The following NUS1 variants were observed in gnomAD, a reference collection of about 807,000 sequenced individuals.
NUS1 encodes the protein dehydrodolichyl diphosphate synthase complex subunit NUS1.
For synonymous variants in NUS1, 135 were observed against 155.2 expected (o/e 0.87, Z 0.97); for missense variants, 292 against 382.9 (o/e 0.76, Z 1.98).
At chr6:117,676,869 G>T (rs1167340671) in intron 1 of NUS1, among the ~76,000 whole-genome samples, 4 of 152,192 alleles carry the variant, frequency 2.6e-5, no homozygotes, top group Admixed American at 2.6e-4. Flanking sequence ...ACTTAGGCAT[G>T]GGCTGTGTGA....
At chr6:117,693,882 T>G in intron 2 of NUS1, 149 bp from the exon 3 acceptor site, 1 of 693,780 alleles carries the variant, frequency 1.4e-6, no homozygotes, top group Non-Finnish European at 2.3e-6. Context: ...AAGTATGTTT[T>G]GATATTGAAA....
Position 117,683,440 on chromosome 6 carries a change from A to G in NUS1, c.415+7355A>G, listed in dbSNP as rs73528141. 3.2e-3 allele frequency among the ~76,000 whole-genome samples: 489 copies of G among 152,288 alleles called. 2 individuals are homozygous for G. The highest frequency in any genetic ancestry group is 0.011 in the African/African-American group (460 of 41,554). ...TTTTTTCATTTTAAATAATTGCTCC[A>G]TAAATATATGTTTTCTTCTCTGAAG... On this transcript the variant is annotated intron_variant, in intron 1 of 4. Coordinates refer to ENST00000368494, the MANE Select transcript of NUS1 (RefSeq NM_138459.5).
At chr6:117,702,598 T>C (rs1244305942) in intron 3 of NUS1, among the ~76,000 whole-genome samples, 1 of 152,200 alleles carries the variant, frequency 6.6e-6, no homozygotes, top group African/African-American at 2.4e-5. Flanking sequence ...TACATCACTA[T>C]TGGTTTGGAG....
intron 1 of NUS1, among the ~76,000 whole-genome samples, chr6:117,679,703 T>C (rs1773033444): frequency 6.6e-6 from 1 of 152,192 alleles, no homozygotes; most frequent in Non-Finnish European, 1.5e-5. Context: ...GGGTAACCAG[T>C]TAACTAACTT....
At chr6:117,678,677 G>GTTTT (rs34349121) in intron 1 of NUS1, among the ~76,000 whole-genome samples, 1 of 100,312 alleles carries the variant, frequency 1.0e-5, no homozygotes, top group Admixed American at 1.1e-4. Flanking sequence ...TTTTTCAGTG[G>GTTTT]TTTTTTTTTT....
intron 1 of NUS1, among the ~76,000 whole-genome samples, chr6:117,682,951 A>G (rs1222059431): frequency 6.6e-6 from 1 of 152,230 alleles, no homozygotes; most frequent in Non-Finnish European, 1.5e-5. Flanking sequence ...AAAGATATTT[A>G]AAGACTAATA....
chr6:117,704,476 C>G (rs1030410568), intron 4 of NUS1, among the ~76,000 whole-genome samples: 1 of 152,196 alleles, frequency 6.6e-6, no homozygotes, highest in South Asian at 2.1e-4. Flanking sequence ...CTATGCAACT[C>G]TGCTGCTATA....
intron 3 of NUS1, among the ~76,000 whole-genome samples, chr6:117,697,696 AC>A (rs1323814109): frequency 1.3e-5 from 2 of 151,752 alleles, no homozygotes; most frequent in Non-Finnish European, 2.9e-5. Flanking sequence ...AGAGAGAGAG[AC>A]CCCAATACAA....
At chr6:117,676,821 C>T (rs1029322529) in intron 1 of NUS1, among the ~76,000 whole-genome samples, 1 of 152,172 alleles carries the variant, frequency 6.6e-6, no homozygotes, top group Non-Finnish European at 1.5e-5. Flanking sequence ...AAGAGAGCTT[C>T]CAGGCGCTGT....
intron 1 of NUS1, among the ~76,000 whole-genome samples, 161 bp downstream of exon 1, chr6:117,676,246 A>G (rs1014719272): frequency 2.0e-5 from 3 of 152,184 alleles, no homozygotes; most frequent in Admixed American, 2.0e-4. Context: ...AACACCTACT[A>G]ATTCTCTGGA....
intron 1 of NUS1, among the ~76,000 whole-genome samples, chr6:117,677,787 C>T (rs1440198842): frequency 6.6e-6 from 1 of 152,140 alleles, no homozygotes; most frequent in Non-Finnish European, 1.5e-5. Flanking sequence ...ACTCAGCAGA[C>T]CAATAGAAAT....
chr6:117,700,621 G>A (rs1409776539), intron 3 of NUS1, among the ~76,000 whole-genome samples: 1 of 152,174 alleles, frequency 6.6e-6, no homozygotes, highest in Non-Finnish European at 1.5e-5. Context: ...TAATCCCACT[G>A]CTAGGTACAT....
At position 117,695,193 on chromosome 6, in the gene NUS1, C is replaced by CAAAAAA. The variant is rs58136219; in HGVS notation, c.691+1036_691+1041dup. On this transcript the variant is annotated intron_variant, in intron 3 of 4. Transcript: ENST00000368494. The stretch of plus-strand genomic sequence containing the variant: ...TGGGTGACGGAGTGAGACCCTGTCT[C>CAAAAAA]AAAAAAAAAAAAAAAAAAAAAAAAA... Among the ~76,000 whole-genome samples the CAAAAAA allele has an allele frequency of 9.7e-3, 534 of 55,234 alleles. 9 individuals are homozygous for CAAAAAA. Among genetic ancestry groups the CAAAAAA allele is most frequent in the Non-Finnish European group, 0.011 (387 of 34,240 alleles). The allele number at this position is 55,234 out of a possible 152,430, so 36.2% of individuals were successfully genotyped here. A position where few individuals can be genotyped will look rare whatever the true frequency, so the allele number is the denominator to read the frequency against.
intron 3 of NUS1, among the ~76,000 whole-genome samples, chr6:117,697,448 A>T (rs561869494): frequency 1.3e-5 from 2 of 152,248 alleles, no homozygotes; most frequent in East Asian, 3.9e-4. Context: ...GACTGAAAAT[A>T]AAGGGATGGA....
intron 3 of NUS1, among the ~76,000 whole-genome samples, chr6:117,700,578 A>G (rs1351882441): frequency 6.6e-6 from 1 of 152,192 alleles, no homozygotes; most frequent in African/African-American, 2.4e-5. Flanking sequence ...AGGTTTCTCT[A>G]AAAACTAAAC....
chr6:117,691,707 T>C (rs1290612912), intron 1 of NUS1, among the ~76,000 whole-genome samples: 1 of 149,080 alleles, frequency 6.7e-6, no homozygotes, highest in African/African-American at 2.4e-5. Flanking sequence ...ATATATTGAT[T>C]GATATAATTT....
intron 1 of NUS1, among the ~76,000 whole-genome samples, chr6:117,685,698 A>G (rs1278917303): frequency 6.6e-6 from 1 of 152,192 alleles, no homozygotes; most frequent in East Asian, 1.9e-4. Context: ...CATTTGGGAA[A>G]TTGAGAGTAC....
chr6:117,688,250 G>A (rs1425993547), intron 1 of NUS1, among the ~76,000 whole-genome samples: 2 of 152,048 alleles, frequency 1.3e-5, no homozygotes, highest in Non-Finnish European at 2.9e-5. Flanking sequence ...ATATAATAAA[G>A]AACAGCACAA....
At position 117,691,981 on chromosome 6, in the gene NUS1, A is replaced by C. The variant is rs146479204; in HGVS notation, c.416-1061A>C. 5.2e-3 allele frequency among the ~76,000 whole-genome samples: 791 copies of C among 152,094 alleles called. 12 individuals carry two copies. Among genetic ancestry groups the C allele is most frequent in the South Asian group, 0.019 (94 of 4,822 alleles). On this transcript the variant is annotated intron_variant, in intron 1 of 4. Coordinates refer to ENST00000368494, the MANE Select transcript of NUS1 (RefSeq NM_138459.5). ...GGTAAGGATTTTATTAAACCAGGCA[A>C]ATTTTTAAACTAGTTCCACAGAGAA...
Sources: allele counts gnomAD v4.1 joint callset (sites outside exome capture counted in the v4.1 genomes callset), GRCh38; gene constraint gnomAD v4.1.1; transcripts MANE v1.5; gene names NCBI Gene and HGNC (gene_info 2026-07-23, HGNC 2026-07-21).